AK8: variants seen among roughly 807,000 people sequenced by gnomAD.
The protein encoded by AK8 is ATP-AMP transphosphorylase 8.
In AK8, 44 loss-of-function variants were observed where a neutral mutation model predicts 54.6. That is an observed-to-expected ratio of 0.81 (90% CI 0.63 to 1.04). The LOEUF (loss-of-function observed/expected upper bound fraction) is 1.04. Ranked by LOEUF, AK8 falls within the 50% of genes least tolerant of loss-of-function variation. The pLI is 0.00. For missense variants in AK8, 555 were observed against 613.6 expected, an observed-to-expected ratio of 0.90 and a Z score of 1.01; for synonymous variants, 239 against 245.6, an observed-to-expected ratio of 0.97 and a Z score of 0.25.
intron 11 of AK8, among the ~76,000 whole-genome samples, chr9:132,765,474 C>G (rs561871993): frequency 1.3e-5 from 2 of 151,040 alleles, no homozygotes; most frequent in African/African-American, 4.9e-5. Context: ...ATTCAACATC[C>G]CTTCTTGATA....
chr9:132,812,658 A>G (rs556748313), intron 10 of AK8, among the ~76,000 whole-genome samples: 59 of 135,524 alleles, frequency 4.4e-4, no homozygotes, highest in African/African-American at 1.6e-3. Context: ...ACCTTGCAGG[A>G]AGGGACCTCT....
At chr9:132,844,572 A>AAT in intron 5 of AK8, among the ~76,000 whole-genome samples, 1 of 152,348 alleles carries the variant, frequency 6.6e-6, no homozygotes, top group East Asian at 1.9e-4. Flanking sequence ...CAAAGCACAT[A>AAT]ATTAGAAGTC....
chr9:132,848,373 G>A (rs113282504), intron 5 of AK8, among the ~76,000 whole-genome samples: 2 of 152,220 alleles, frequency 1.3e-5, no homozygotes, highest in African/African-American at 4.8e-5. Context: ...TAAAAGAGGT[G>A]GGAAACCTTA....
chr9:132,828,208 A>C, intron 6 of AK8, 124 bp from the exon 7 acceptor site: 1 of 794,488 alleles, frequency 1.3e-6, no homozygotes, highest in South Asian at 1.8e-5. Flanking sequence ...TTAAAACAAC[A>C]ATCATCTCCC....
chr9:132,775,825 C>G (rs773516812), intron 11 of AK8, among the ~76,000 whole-genome samples: 6 of 152,220 alleles, frequency 3.9e-5, no homozygotes, highest in African/African-American at 9.7e-5. Flanking sequence ...CACAGCCATG[C>G]CTGCGGTTGC....
intron 5 of AK8, among the ~76,000 whole-genome samples, chr9:132,833,508 T>C (rs983480602): frequency 1.2e-4 from 18 of 152,200 alleles, no homozygotes; most frequent in African/African-American, 4.1e-4. Flanking sequence ...GAAATGTCTA[T>C]TCCACTCTGA....
At chr9:132,873,312 A>G (rs2526007) in intron 2 of AK8, among the ~76,000 whole-genome samples, 54,886 of 152,080 alleles carry the variant, frequency 0.36, 11,989 homozygotes, top group South Asian at 0.57. Flanking sequence ...CACAGCTTCT[A>G]TCTGGGTTAA....
rs376539025 is a variant in AK8 at position 132,770,592 on chromosome 9, T to C, written c.1121+22042A>G. 6.6e-6 allele frequency among the ~76,000 whole-genome samples: 1 copy of C among 151,988 alleles called. No individual in the cohort carries two copies. Among genetic ancestry groups the C allele is most frequent in the African/African-American group, 2.4e-5 (1 of 41,392 alleles). Reference sequence around the variant, plus strand: ...TGAGGGTCAGTGGTGACTTCCGGGATTGAATTGGCTGGGAAGCCGGTCCCA... The same window carrying C: ...TGAGGGTCAGTGGTGACTTCCGGGACTGAATTGGCTGGGAAGCCGGTCCCA... On this transcript the variant is annotated intron_variant, in intron 11 of 12. Transcript: ENST00000298545. This position sits in a 1 kb window ranked among gnomAD's most constrained non-coding sequence, Gnocchi z 4.3.
chr9:132,778,455 T>C (rs941611503), intron 11 of AK8, among the ~76,000 whole-genome samples: 5 of 152,172 alleles, frequency 3.3e-5, no homozygotes, highest in African/African-American at 7.2e-5. Context: ...GCAGAAATAG[T>C]GCTTCCTGGA....
intron 11 of AK8, among the ~76,000 whole-genome samples, chr9:132,774,438 A>G (rs942095963): frequency 1.3e-5 from 2 of 152,228 alleles, no homozygotes; most frequent in Non-Finnish European, 2.9e-5. Context: ...AAGAGCTTCA[A>G]GCTTTTAGAC....
intron 9 of AK8, among the ~76,000 whole-genome samples, chr9:132,816,208 G>T (rs1841318876): frequency 6.6e-6 from 1 of 152,012 alleles, no homozygotes; most frequent in African/African-American, 2.4e-5. Context: ...ACAAAAATTA[G>T]CCCAGTGTGG....
At chr9:132,870,890 ACT>A (rs10600299) in intron 2 of AK8, among the ~76,000 whole-genome samples, 30,730 of 151,974 alleles carry the variant, frequency 0.2, 3,374 homozygotes, top group East Asian at 0.44. Flanking sequence ...AGCCTCCCGC[ACT>A]CTTCTAGGAC....
intron 11 of AK8, 30 bp from the exon 12 acceptor site, chr9:132,727,564 G>T (rs756789721): frequency 6.3e-6 from 10 of 1,590,702 alleles, no homozygotes; most frequent in South Asian, 3.3e-5. Flanking sequence ...ATTAATAATG[G>T]TTTTTATTTC....
Position 132,770,887 on chromosome 9 carries a change from C to G in AK8, c.1121+21747G>C, listed in dbSNP as rs1838945895. Among the ~76,000 whole-genome samples, 1 of 152,148 alleles carries G rather than the reference C, an allele frequency of 6.6e-6. No homozygotes were observed. Among genetic ancestry groups the G allele is most frequent in the Admixed American group, 6.5e-5 (1 of 15,290 alleles). Reference sequence around the variant, plus strand: ...GCCCAGCGGTGTGGGCCTCCCCAGTCAGGGAGATGCTTCCCCCATCTCATC... The same window carrying G: ...GCCCAGCGGTGTGGGCCTCCCCAGTGAGGGAGATGCTTCCCCCATCTCATC... On this transcript the variant is annotated intron_variant, in intron 11 of 12. Transcript: ENST00000298545. This position sits in a 1 kb window ranked among gnomAD's most constrained non-coding sequence, Gnocchi z 4.3.
intron 11 of AK8, among the ~76,000 whole-genome samples, chr9:132,748,161 A>G (rs1837744022): frequency 6.6e-6 from 1 of 151,920 alleles, no homozygotes; most frequent in Non-Finnish European, 1.5e-5. Context: ...TAAAGACGGA[A>G]AAGTGTGCAT....
At chr9:132,835,842 G>C (rs1842301787) in intron 5 of AK8, among the ~76,000 whole-genome samples, 1 of 152,116 alleles carries the variant, frequency 6.6e-6, no homozygotes, top group Non-Finnish European at 1.5e-5. Context: ...TAAAAAATTA[G>C]GCCAGGCGCA....
chr9:132,776,362 G>A (rs1839217603), intron 11 of AK8, among the ~76,000 whole-genome samples: 1 of 152,194 alleles, frequency 6.6e-6, no homozygotes, highest in Non-Finnish European at 1.5e-5. Context: ...CTGCAGGCCT[G>A]GGCCAAATTC....
At chr9:132,848,906 C>CT (rs577735065) in intron 5 of AK8, among the ~76,000 whole-genome samples, 7,021 of 118,508 alleles carry the variant, frequency 0.059, 392 homozygotes, top group African/African-American at 0.11. Flanking sequence ...CTCCTGTTTG[C>CT]TTTTTTTTTT....
chr9:132,851,968 C>T (rs112979970), intron 5 of AK8, among the ~76,000 whole-genome samples: 4,451 of 152,208 alleles, frequency 0.029, 131 homozygotes, highest in Middle Eastern at 0.048. Context: ...CTGGAATTAG[C>T]GGATGAAAAC....
Sources: gnomAD v4.1 joint callset for allele counts (sites outside exome capture counted in the v4.1 genomes callset) on GRCh38, gnomAD v4.1.1 for gene constraint, Gnocchi (gnomAD v3.1) non-coding constraint, MANE v1.5 for transcripts, NCBI Gene and HGNC (gene_info 2026-07-23, HGNC 2026-07-21) for gene names.